The following HOMER1 variants were observed in gnomAD, a reference collection of about 807,000 sequenced individuals.
HOMER1 encodes homer protein homolog 1.
Under a neutral mutation model 48.9 loss-of-function variants are expected in HOMER1, and 3 were observed. That is an observed-to-expected ratio of 0.06 (90% CI 0.03 to 0.16). HOMER1 has a LOEUF of 0.16. Ranked by LOEUF, HOMER1 falls within the 10% of genes least tolerant of loss-of-function variation. The pLI, the probability that HOMER1 is intolerant of heterozygous loss-of-function variation, is 1.00. For missense variants in HOMER1, 247 were observed against 411.4 expected (o/e 0.60, Z 3.46); for synonymous variants, 134 against 146.4 (o/e 0.92, Z 0.61).
intron 8 of HOMER1, among the ~76,000 whole-genome samples, chr5:79,383,597 G>A (rs1362503990): frequency 2.6e-5 from 4 of 152,008 alleles, no homozygotes; most frequent in African/African-American, 9.7e-5. Context: ...TGTTGGCCAG[G>A]CTGGTCTCGA....
intron 8 of HOMER1, among the ~76,000 whole-genome samples, chr5:79,395,005 G>C (rs931542443): frequency 1.3e-5 from 2 of 152,166 alleles, no homozygotes; most frequent in African/African-American, 4.8e-5. Context: ...AGGATGACTT[G>C]ACTGTTTGTT....
intron 5 of HOMER1, among the ~76,000 whole-genome samples, chr5:79,414,818 C>T (rs1180467911): frequency 6.6e-6 from 1 of 152,098 alleles, no homozygotes; most frequent in East Asian, 1.9e-4. Context: ...CTAACATCCA[C>T]CACCTTTGCA....
At chr5:79,387,139 C>T (rs749036913) in intron 8 of HOMER1, among the ~76,000 whole-genome samples, 14 of 150,020 alleles carry the variant, frequency 9.3e-5, no homozygotes, top group African/African-American at 1.5e-4. Flanking sequence ...CAGACGTACA[C>T]GTTTCTTTCT....
intron 1 of HOMER1, among the ~76,000 whole-genome samples, chr5:79,460,195 G>A (rs574829439): frequency 1.7e-4 from 26 of 152,174 alleles, no homozygotes; most frequent in Middle Eastern, 3.4e-3. Context: ...GGCCACGTGT[G>A]GTGGCTCACA....
chr5:79,445,052 ACT>A (rs1276146368), intron 4 of HOMER1, among the ~76,000 whole-genome samples: 1 of 152,036 alleles, frequency 6.6e-6, no homozygotes, highest in Non-Finnish European at 1.5e-5. Flanking sequence ...AAAAAAATCA[ACT>A]CTCTATACCA....
At chr5:79,501,022 G>C (rs1245492728) in intron 1 of HOMER1, among the ~76,000 whole-genome samples, 1 of 150,538 alleles carries the variant, frequency 6.6e-6, no homozygotes, top group African/African-American at 2.5e-5. Flanking sequence ...CCAGGCTGCA[G>C]TGCAGTGGCA....
At chr5:79,397,075 C>T (rs1749407189) in intron 7 of HOMER1, among the ~76,000 whole-genome samples, 172 bp from the exon 8 acceptor site, 2 of 152,100 alleles carry the variant, frequency 1.3e-5, no homozygotes, top group Admixed American at 6.6e-5. Context: ...TTGTCTAGAA[C>T]AATAATCTTA....
intron 8 of HOMER1, among the ~76,000 whole-genome samples, chr5:79,386,609 A>G (rs1749116560): frequency 6.6e-6 from 1 of 152,206 alleles, no homozygotes; most frequent in Non-Finnish European, 1.5e-5. Flanking sequence ...CAAAGTAGTT[A>G]TAAGAGAGGG....
intron 5 of HOMER1, among the ~76,000 whole-genome samples, chr5:79,423,457 A>T (rs1344358932): frequency 6.6e-6 from 1 of 152,196 alleles, no homozygotes; most frequent in African/African-American, 2.4e-5. Context: ...GATGGATCAC[A>T]CATTTTTAAT....
At chr5:79,420,387 G>A (rs115221133) in intron 5 of HOMER1, among the ~76,000 whole-genome samples, 7 of 152,112 alleles carry the variant, frequency 4.6e-5, no homozygotes, top group African/African-American at 1.2e-4. Flanking sequence ...TGCCAGAAGC[G>A]CTCCTTCCCC....
At chr5:79,502,096 T>G (rs1752609782) in intron 1 of HOMER1, among the ~76,000 whole-genome samples, 1 of 148,398 alleles carries the variant, frequency 6.7e-6, no homozygotes, top group Non-Finnish European at 1.5e-5. Context: ...CTTGGCTCAC[T>G]GCAACCTCCA....
At chr5:79,439,359 T>C (rs1170376444) in intron 4 of HOMER1, among the ~76,000 whole-genome samples, 2 of 152,214 alleles carry the variant, frequency 1.3e-5, no homozygotes, top group Non-Finnish European at 2.9e-5. Flanking sequence ...GAAGCTGGGC[T>C]ACTCACAAGA....
At chr5:79,503,709 A>G (rs1194022638) in intron 1 of HOMER1, among the ~76,000 whole-genome samples, 1 of 142,748 alleles carries the variant, frequency 7.0e-6, no homozygotes, top group Non-Finnish European at 1.5e-5. Flanking sequence ...GGTGGGATTC[A>G]GCAAGACTCT....
At chr5:79,462,841 G>C (rs1751353872) in intron 1 of HOMER1, among the ~76,000 whole-genome samples, 1 of 152,060 alleles carries the variant, frequency 6.6e-6, no homozygotes, top group African/African-American at 2.4e-5. Flanking sequence ...AGAGTGCAAA[G>C]GCATAGGTCC....
intron 5 of HOMER1, among the ~76,000 whole-genome samples, chr5:79,419,914 T>C (rs1200680285): frequency 6.6e-6 from 1 of 152,218 alleles, no homozygotes; most frequent in East Asian, 1.9e-4. Flanking sequence ...ATATGACAAA[T>C]TTCTATACAA....
chr5:79,463,326 C>T (rs1294726762), intron 1 of HOMER1, among the ~76,000 whole-genome samples: 2 of 152,224 alleles, frequency 1.3e-5, no homozygotes, highest in Non-Finnish European at 2.9e-5. Flanking sequence ...TCTAGGTACA[C>T]TCACAGACAG....
chr5:79,383,290 C>G (rs1293660051), intron 8 of HOMER1, among the ~76,000 whole-genome samples: 5 of 152,036 alleles, frequency 3.3e-5, no homozygotes, highest in African/African-American at 1.2e-4. Context: ...CCACTCTCAG[C>G]ATTAGACAGA....
intron 8 of HOMER1, among the ~76,000 whole-genome samples, chr5:79,376,712 C>T (rs1684638661): frequency 6.6e-6 from 1 of 152,094 alleles, no homozygotes; most frequent in African/African-American, 2.4e-5. Flanking sequence ...TGCTTTGCCT[C>T]AATATCAAAT....
chr5:79,404,089 G>T (rs923987787), intron 5 of HOMER1, among the ~76,000 whole-genome samples: 8 of 152,212 alleles, frequency 5.3e-5, no homozygotes, highest in African/African-American at 1.4e-4. Flanking sequence ...CTATAGAGAT[G>T]CGTTTTATTT....
Sources: allele counts gnomAD v4.1 joint callset (sites outside exome capture counted in the v4.1 genomes callset), GRCh38; gene constraint gnomAD v4.1.1; transcripts MANE v1.5; gene names NCBI Gene and HGNC (gene_info 2026-07-23, HGNC 2026-07-21).